Variants in MYO1D observed in about 807,000 individuals in gnomAD.
The protein encoded by MYO1D is myosin ID.
A neutral mutation model predicts 122.0 loss-of-function variants in MYO1D; 83 were observed. The ratio of observed to expected loss-of-function variants is 0.68; its 90% CI spans 0.57 to 0.82. The LOEUF is 0.82. Among genes scored for constraint, MYO1D ranks in the 40% least tolerant of loss-of-function variants. The pLI, the probability that MYO1D is intolerant of heterozygous loss-of-function variation, is 0.00. For missense variants in MYO1D, 1,157 were observed against 1,269.5 expected, an observed-to-expected ratio of 0.91 and a Z score of 1.35; for synonymous variants, 464 against 446.9, an observed-to-expected ratio of 1.04 and a Z score of -0.48.
intron 20 of MYO1D, among the ~76,000 whole-genome samples, chr17:32,625,510 C>A (rs935113452): frequency 1.3e-5 from 2 of 152,096 alleles, no homozygotes; most frequent in African/African-American, 2.4e-5. Context: ...TGGCATGACA[C>A]ATGCGATGAA....
intron 20 of MYO1D, among the ~76,000 whole-genome samples, chr17:32,630,444 A>G (rs892902264): frequency 6.6e-6 from 1 of 152,228 alleles, no homozygotes; most frequent in African/African-American, 2.4e-5. Flanking sequence ...ATTTTATGGT[A>G]TGTAAATATA....
At chr17:32,522,923 TCTC>T (rs58835331) in intron 21 of MYO1D, among the ~76,000 whole-genome samples, 6,531 of 151,918 alleles carry the variant, frequency 0.043, 460 homozygotes, top group African/African-American at 0.15. Context: ...TTCACGCCAT[TCTC>T]CTGCCTCAGC....
chr17:32,791,889 G>T (rs900963969), intron 1 of MYO1D, among the ~76,000 whole-genome samples: 4 of 152,164 alleles, frequency 2.6e-5, no homozygotes, highest in African/African-American at 9.7e-5. Flanking sequence ...TCCCTCCTCA[G>T]AGGCAACCAC....
intron 21 of MYO1D, among the ~76,000 whole-genome samples, chr17:32,535,649 G>T (rs377333812): frequency 7.3e-4 from 111 of 152,304 alleles, no homozygotes; most frequent in African/African-American, 2.6e-3. Context: ...TACTCAGGAG[G>T]CTGAGGCAGG....
intron 2 of MYO1D, 133 bp from the exon 3 acceptor site, chr17:32,778,706 T>C (rs1391060035): frequency 9.5e-6 from 8 of 839,286 alleles, no homozygotes; most frequent in Non-Finnish European, 1.3e-5. Flanking sequence ...TTTCATTTTT[T>C]TGCTTTTTTG....
chr17:32,846,076 C>T (rs2090935399), intron 1 of MYO1D, among the ~76,000 whole-genome samples: 1 of 152,122 alleles, frequency 6.6e-6, no homozygotes, highest in Admixed American at 6.6e-5. Flanking sequence ...AGCACCTATT[C>T]CCTCTCTTCT....
At chr17:32,513,851 G>C (rs1239047214) in intron 21 of MYO1D, among the ~76,000 whole-genome samples, 1 of 147,620 alleles carries the variant, frequency 6.8e-6, no homozygotes, top group Non-Finnish European at 1.5e-5. Context: ...TTTTTTTGTA[G>C]ACAGGATCTT....
chr17:32,576,274 A>G (rs948607106), intron 21 of MYO1D, among the ~76,000 whole-genome samples: 3 of 152,198 alleles, frequency 2.0e-5, no homozygotes, highest in Admixed American at 6.5e-5. Context: ...AAGGTTTTAT[A>G]TTTAAAGGAA....
At chr17:32,712,422 T>TA (rs1022607553) in intron 15 of MYO1D, among the ~76,000 whole-genome samples, 128 of 152,310 alleles carry the variant, frequency 8.4e-4, no homozygotes, top group African/African-American at 3.0e-3. Flanking sequence ...CTCAAGCTCA[T>TA]ACAGTCTATT....
At chr17:32,809,542 G>A (rs1387513402) in intron 1 of MYO1D, among the ~76,000 whole-genome samples, 1 of 151,000 alleles carries the variant, frequency 6.6e-6, no homozygotes, top group Non-Finnish European at 1.5e-5. Flanking sequence ...GGGTTCACAC[G>A]ATTCTCACAC....
chr17:32,780,685 C>G lies in MYO1D; in HGVS notation c.195G>C (p.Gln65His). ...TCTCATACAGCTCACGGCCTTTATA[C>G]TGCTCAATTGTGTCTCTTCCATAGA... is the stretch of plus-strand genomic sequence containing the variant. ...LNIYGRDTIE[Q>H]YKGRELYERP... The change falls in exon 2 of 22, where the codon CAG (glutamine) becomes CAC (histidine). Residue 65 changes from glutamine (Q) to histidine (H), a missense_variant. Transcript: ENST00000318217. 3 of 1,614,150 alleles carry G rather than the reference C, an allele frequency of 1.9e-6. No homozygotes were observed. The highest frequency in any genetic ancestry group is 2.5e-6 in the Non-Finnish European group (3 of 1,180,036).
intron 19 of MYO1D, among the ~76,000 whole-genome samples, chr17:32,651,007 A>G (rs1180005165): frequency 6.6e-6 from 1 of 152,124 alleles, no homozygotes; most frequent in Non-Finnish European, 1.5e-5. Context: ...TTGTATTCCT[A>G]TAAAAATTTT....
intron 20 of MYO1D, among the ~76,000 whole-genome samples, chr17:32,629,084 C>G (rs754377629): frequency 6.6e-6 from 1 of 152,070 alleles, no homozygotes; most frequent in African/African-American, 2.4e-5. Context: ...CATGACGGAA[C>G]CTTAAAGGCC....
intron 1 of MYO1D, among the ~76,000 whole-genome samples, chr17:32,860,449 T>G (rs2091060403): frequency 6.6e-6 from 1 of 152,196 alleles, no homozygotes; most frequent in Non-Finnish European, 1.5e-5. Context: ...ATAGCCCAAG[T>G]CAATGGTGAC....
At chr17:32,805,567 G>A (rs1234830642) in intron 1 of MYO1D, among the ~76,000 whole-genome samples, 1 of 152,000 alleles carries the variant, frequency 6.6e-6, no homozygotes, top group African/African-American at 2.4e-5. Context: ...AACCGATGGA[G>A]AAGTGTGTTA....
chr17:32,792,912 C>T (rs1372273019), intron 1 of MYO1D, among the ~76,000 whole-genome samples: 1 of 152,040 alleles, frequency 6.6e-6, no homozygotes, highest in African/African-American at 2.4e-5. Context: ...CAATTATGAG[C>T]TTTAGAGTCA....
chr17:32,539,959 T>C (rs1248996804), intron 21 of MYO1D, among the ~76,000 whole-genome samples: 2 of 152,250 alleles, frequency 1.3e-5, no homozygotes, highest in East Asian at 3.9e-4. Flanking sequence ...AAATACGGTC[T>C]CTAAACCAAA....
chr17:32,559,791 T>C (rs960889772), intron 21 of MYO1D, among the ~76,000 whole-genome samples: 1 of 152,262 alleles, frequency 6.6e-6, no homozygotes, highest in Non-Finnish European at 1.5e-5. Flanking sequence ...TCTCTTTTTA[T>C]TGATATCTAT....
intron 3 of MYO1D, 83 bp downstream of exon 3, chr17:32,778,397 C>T: frequency 7.4e-7 from 1 of 1,360,172 alleles, no homozygotes; most frequent in Non-Finnish European, 1.0e-6. Context: ...CCAAAATGCT[C>T]AACCCCTAGA....
Sources: allele counts gnomAD v4.1 joint callset (sites outside exome capture counted in the v4.1 genomes callset), GRCh38; gene constraint gnomAD v4.1.1; transcripts MANE v1.5; gene names NCBI Gene and HGNC (gene_info 2026-07-23, HGNC 2026-07-21).